Variants in TCERG1 observed in about 807,000 individuals in gnomAD.
The protein encoded by TCERG1 is transcription elongation regulator 1, also known as TATA box binding protein (TBP)-associated factor, RNA polymerase II, S, 150kD.
TCERG1 carries 37 observed loss-of-function variants against 144.7 expected under a neutral mutation model. That is an observed-to-expected ratio of 0.26 (90% CI 0.20 to 0.34). The LOEUF is 0.34. Ranked by LOEUF, TCERG1 falls within the 10% of genes least tolerant of loss-of-function variation. The probability of loss-of-function intolerance (pLI) is 1.00; values close to 1 mark genes in which losing one functional copy is unlikely to be tolerated. For synonymous variants in TCERG1, 492 were observed against 458.2 expected (o/e 1.07, Z -0.94); for missense variants, 1,027 against 1,380.7 (o/e 0.74, Z 4.06).
chr5:146,448,048 C>G (rs146945211), intron 1 of TCERG1, among the ~76,000 whole-genome samples: 684 of 152,320 alleles, frequency 4.5e-3, no homozygotes, highest in Non-Finnish European at 6.8e-3. Context: ...AAACCCTTTA[C>G]TTAGGTTTGT....
chr5:146,490,381 T>C (rs1766283024), intron 15 of TCERG1, among the ~76,000 whole-genome samples: 1 of 152,214 alleles, frequency 6.6e-6, no homozygotes, highest in African/African-American at 2.4e-5. Context: ...ATAGTAAGTC[T>C]TTTCCTTTTT....
chr5:146,500,498 T>G (rs949342517), intron 17 of TCERG1, among the ~76,000 whole-genome samples: 3 of 152,206 alleles, frequency 2.0e-5, no homozygotes, highest in Admixed American at 1.3e-4. Flanking sequence ...CTTGTAATTC[T>G]CCAGCTGGTC....
At chr5:146,475,734 T>C (rs1157361836) in intron 9 of TCERG1, among the ~76,000 whole-genome samples, 1 of 152,116 alleles carries the variant, frequency 6.6e-6, no homozygotes, top group Non-Finnish European at 1.5e-5. Flanking sequence ...GTGTTAAGGG[T>C]TGAAAGTAGT....
intron 9 of TCERG1, among the ~76,000 whole-genome samples, chr5:146,474,607 C>T (rs1206150671): frequency 6.6e-6 from 1 of 152,048 alleles, no homozygotes; most frequent in African/African-American, 2.4e-5. Context: ...AAGGGGGAGT[C>T]AATTGATATA....
At chr5:146,479,039 T>C (rs1393105542) in intron 10 of TCERG1, among the ~76,000 whole-genome samples, 1 of 152,178 alleles carries the variant, frequency 6.6e-6, no homozygotes. Flanking sequence ...TTTTTAAAAA[T>C]ACAAAATCTC....
In TCERG1 at chr5:146,470,756, G is replaced by T. The variant is rs1307523877; in HGVS notation, c.1512+8G>T. Reference sequence around the variant, plus strand: ...ATAAAGGAGATAAAGGAGGTAAAGGGCCATGACCTGTTAACCTGGGAGCCA... The same window carrying T: ...ATAAAGGAGATAAAGGAGGTAAAGGTCCATGACCTGTTAACCTGGGAGCCA... On this transcript the variant is annotated splice_region_variant and intron_variant, in intron 8 of 22. Coordinates refer to ENST00000679501, the MANE Select transcript of TCERG1 (RefSeq NM_001382548.1). 9 of 1,589,370 alleles carry T rather than the reference G, an allele frequency of 5.7e-6. No homozygotes were observed. The highest frequency in any genetic ancestry group is 7.7e-6 in the Non-Finnish European group (9 of 1,169,270).
intron 2 of TCERG1, 82 bp from the exon 3 acceptor site, chr5:146,457,101 T>C (rs1009330178): frequency 3.9e-6 from 6 of 1,531,260 alleles, no homozygotes; most frequent in African/African-American, 1.4e-5. Flanking sequence ...TCTCTTACAG[T>C]GTTTTACTTT....
At chr5:146,475,128 A>C (rs1307159612) in intron 9 of TCERG1, among the ~76,000 whole-genome samples, 2 of 152,164 alleles carry the variant, frequency 1.3e-5, no homozygotes, top group African/African-American at 2.4e-5. Flanking sequence ...TGTAATCTAT[A>C]GGTTCCCTTC....
chr5:146,493,690 T>A (rs980483779), intron 16 of TCERG1, among the ~76,000 whole-genome samples: 20 of 152,110 alleles, frequency 1.3e-4, no homozygotes, highest in Non-Finnish European at 2.4e-4. Flanking sequence ...TTTAGGTACT[T>A]ACGTGATACC....
chr5:146,490,427 T>C lies in TCERG1; in HGVS notation c.2164-2493T>C, dbSNP rs745326056. Among the ~76,000 whole-genome samples the C allele has an allele frequency of 3.4e-4, 52 of 152,250 alleles. 1 individual carries two copies. The highest frequency in any genetic ancestry group is 4.4e-5 in the Non-Finnish European group (3 of 68,032). Reference sequence around the variant, plus strand: ...GAGAGAATGTGCAGGGAAAGTTTATTTGAGGCCTAACATACTTGGAAAAAC... The same window carrying C: ...GAGAGAATGTGCAGGGAAAGTTTATCTGAGGCCTAACATACTTGGAAAAAC... On this transcript the variant is annotated intron_variant, in intron 15 of 22. Coordinates refer to ENST00000679501, the MANE Select transcript of TCERG1 (RefSeq NM_001382548.1).
At chr5:146,450,910 A>G (rs541768083) in intron 1 of TCERG1, among the ~76,000 whole-genome samples, 1 of 152,312 alleles carries the variant, frequency 6.6e-6, no homozygotes, top group Admixed American at 6.5e-5. Context: ...GGATTATCTC[A>G]TTGAACAGTG....
intron 16 of TCERG1, among the ~76,000 whole-genome samples, chr5:146,495,906 G>A (rs1376943485): frequency 6.6e-6 from 1 of 152,142 alleles, no homozygotes; most frequent in African/African-American, 2.4e-5. Flanking sequence ...TGTAATCCCA[G>A]CACTTTGGGA....
intron 2 of TCERG1, among the ~76,000 whole-genome samples, chr5:146,456,227 G>T (rs1049145210): frequency 1.3e-5 from 2 of 152,146 alleles, no homozygotes; most frequent in Non-Finnish European, 2.9e-5. Context: ...TAAACACACT[G>T]TTAAATGGTT....
Position 146,509,189 on chromosome 5 carries a change from C to G in TCERG1, c.3090C>G (p.Ile1030Met). 6.2e-7 allele frequency: 1 copy of G among 1,607,268 alleles called. No homozygotes were observed. Among genetic ancestry groups the G allele is most frequent in the Non-Finnish European group, 8.5e-7 (1 of 1,177,476 alleles). Residue 1030 changes from isoleucine (I) to methionine (M), a missense_variant, in exon 22 of 23, where the codon ATC becomes ATG. Physicochemically the swap from Ile to Met is conservative, Grantham distance 10. Transcript: ENST00000679501. Reference sequence around the variant, plus strand: ...AAGAATATATCAGAGACAAATATATCACAGCCAAAGCTGACTTCAGGACGC... The same window carrying G: ...AAGAATATATCAGAGACAAATATATGACAGCCAAAGCTGACTTCAGGACGC... Reference protein sequence around the residue: ...EFEEYIRDKYITAKADFRTLL... With the variant: ...EFEEYIRDKYMTAKADFRTLL...
At chr5:146,458,816 G>GT in intron 3 of TCERG1, 68 bp from the exon 4 acceptor site, 1 of 1,532,330 alleles carries the variant, frequency 6.5e-7, no homozygotes, top group South Asian at 1.3e-5. Flanking sequence ...ATAAAATATG[G>GT]TTCCATTCTT....
intron 4 of TCERG1, among the ~76,000 whole-genome samples, chr5:146,459,551 A>G (rs1763162439): frequency 2.0e-5 from 3 of 152,260 alleles, no homozygotes; most frequent in African/African-American, 7.2e-5. Context: ...TTATGAAGCT[A>G]AATTGAGAAA....
At chr5:146,495,173 C>T (rs1165192379) in intron 16 of TCERG1, among the ~76,000 whole-genome samples, 1 of 151,854 alleles carries the variant, frequency 6.6e-6, no homozygotes, top group Non-Finnish European at 1.5e-5. Flanking sequence ...GTTTATTATC[C>T]CTTATCCCAA....
intron 10 of TCERG1, among the ~76,000 whole-genome samples, chr5:146,478,929 C>T (rs112863215): frequency 3.9e-4 from 59 of 152,162 alleles, no homozygotes; most frequent in Admixed American, 2.1e-3. Flanking sequence ...AGTGTTGCTG[C>T]TTGCTTAGTG....
chr5:146,453,772 T>TAA (rs775482064), intron 1 of TCERG1, among the ~76,000 whole-genome samples: 10 of 138,208 alleles, frequency 7.2e-5, no homozygotes, highest in Non-Finnish European at 9.5e-5. Context: ...ACCCTGTCTC[T>TAA]AAAAAAAAAA....
Sources: gnomAD v4.1 joint callset for allele counts (sites outside exome capture counted in the v4.1 genomes callset) on GRCh38, gnomAD v4.1.1 for gene constraint, MANE v1.5 for transcripts, NCBI Gene and HGNC (gene_info 2026-07-23, HGNC 2026-07-21) for gene names.